The following XKR4 variants were observed in gnomAD, a reference collection of about 807,000 sequenced individuals.
XKR4 encodes the protein XK related 4, also known as XK-related protein 4.
XKR4 carries 12 observed loss-of-function variants against 53.9 expected under a neutral mutation model. That is an observed-to-expected ratio of 0.22 (90% CI 0.14 to 0.36). The LOEUF is 0.36. Among genes scored for constraint, XKR4 ranks in the 10% least tolerant of loss-of-function variants. The pLI is 1.00. For synonymous variants in XKR4, 354 were observed against 362.4 expected, an observed-to-expected ratio of 0.98 and a Z score of 0.26; for missense variants, 799 against 859.5, an observed-to-expected ratio of 0.93 and a Z score of 0.88.
At chr8:55,205,846 C>A (rs767507145) in intron 1 of XKR4, among the ~76,000 whole-genome samples, 2 of 152,148 alleles carry the variant, frequency 1.3e-5, no homozygotes, top group Non-Finnish European at 2.9e-5. Context: ...AATGAAGTCG[C>A]GGACCCTCGT....
At chr8:55,352,465 T>G (rs1023949995) in intron 1 of XKR4, among the ~76,000 whole-genome samples, 1 of 152,234 alleles carries the variant, frequency 6.6e-6, no homozygotes, top group Admixed American at 6.5e-5. Flanking sequence ...ACTTTACTGT[T>G]TTGTCTTCTA....
intron 1 of XKR4, among the ~76,000 whole-genome samples, chr8:55,283,805 C>G (rs867295044): frequency 6.6e-6 from 1 of 152,318 alleles, no homozygotes; most frequent in Middle Eastern, 3.4e-3. Context: ...GAATAACTCA[C>G]AGTTATTTTC....
intron 1 of XKR4, among the ~76,000 whole-genome samples, chr8:55,334,681 G>A (rs1317475717): frequency 1.3e-5 from 2 of 152,098 alleles, no homozygotes; most frequent in Non-Finnish European, 2.9e-5. Flanking sequence ...TTTTAATAAA[G>A]CAACTGATGA....
intron 1 of XKR4, among the ~76,000 whole-genome samples, chr8:55,130,774 T>G (rs1425695780): frequency 6.6e-6 from 1 of 152,136 alleles, no homozygotes; most frequent in African/African-American, 2.4e-5. Flanking sequence ...TGACACAAGT[T>G]TCTTTGGTAA....
intron 2 of XKR4, among the ~76,000 whole-genome samples, chr8:55,469,476 T>G (rs1462801170): frequency 6.6e-6 from 1 of 152,144 alleles, no homozygotes; most frequent in Non-Finnish European, 1.5e-5. Context: ...ATTTCTATTT[T>G]CAGTGTTTAA....
intron 1 of XKR4, among the ~76,000 whole-genome samples, chr8:55,247,862 T>C (rs1164017034): frequency 9.7e-5 from 12 of 123,848 alleles, no homozygotes; most frequent in African/African-American, 2.2e-4. Flanking sequence ...TTTCTTTTTT[T>C]TTTTTTTTTT....
intron 1 of XKR4, among the ~76,000 whole-genome samples, chr8:55,213,856 CTTTT>C (rs11433893): frequency 0.21 from 17,937 of 84,164 alleles, 1,454 homozygotes; most frequent in Middle Eastern, 0.27. Context: ...TTCTTTCTTT[CTTTT>C]TTTTTTTTTT....
chr8:55,141,884 G>C (rs945197784), intron 1 of XKR4, among the ~76,000 whole-genome samples: 1 of 152,036 alleles, frequency 6.6e-6, no homozygotes, highest in Admixed American at 6.5e-5. Flanking sequence ...GGGGGGTCCC[G>C]TGCTCACTGC....
At chr8:55,140,156 T>C (rs1251383737) in intron 1 of XKR4, 1 of 438,116 alleles carries the variant, frequency 2.3e-6, no homozygotes, top group African/African-American at 2.0e-5. Flanking sequence ...CCTGGGTTGG[T>C]ATCTTGACTG....
chr8:55,449,754 T>C, intron 2 of XKR4: 2 of 1,025,118 alleles, frequency 2.0e-6, no homozygotes, highest in South Asian at 1.3e-5. Context: ...AGCTGGTGCT[T>C]GGTCTTGTCT....
intron 2 of XKR4, among the ~76,000 whole-genome samples, chr8:55,422,701 T>C (rs1417383188): frequency 6.6e-6 from 1 of 152,116 alleles, no homozygotes; most frequent in African/African-American, 2.4e-5. Flanking sequence ...GGGGATAGCA[T>C]GAGAAACTTC....
chr8:55,384,324 T>C (rs1804278765), intron 2 of XKR4, among the ~76,000 whole-genome samples: 1 of 152,108 alleles, frequency 6.6e-6, no homozygotes. Context: ...GAAAGGAAAA[T>C]GTGTGCTGGG....
intron 1 of XKR4, among the ~76,000 whole-genome samples, chr8:55,129,634 A>G (rs1334678949): frequency 6.6e-6 from 1 of 152,154 alleles, no homozygotes; most frequent in Non-Finnish European, 1.5e-5. Context: ...GACCCTGAGG[A>G]CCAGAAGAGG....
chr8:55,197,373 T>C (rs901002598), intron 1 of XKR4, among the ~76,000 whole-genome samples: 2 of 152,188 alleles, frequency 1.3e-5, no homozygotes, highest in Non-Finnish European at 2.9e-5. Context: ...GAGCTGCTTG[T>C]TAAGGAACTG....
chr8:55,524,492 C>G lies in XKR4; in HGVS notation c.*265C>G, dbSNP rs191796146. On this transcript the variant is annotated 3_prime_UTR_variant, in exon 3 of 3. Coordinates refer to ENST00000327381, the MANE Select transcript of XKR4 (RefSeq NM_052898.2). Reference sequence around the variant, plus strand: ...TGCTACCAAACTCCTCCTGCACGGTCTTGGGTGCACCCACCAGAGGGTACT... The same window carrying G: ...TGCTACCAAACTCCTCCTGCACGGTGTTGGGTGCACCCACCAGAGGGTACT... The G allele has an allele frequency of 2.0e-6, 1 of 491,786 alleles. No individual in the cohort carries two copies. The allele number at this position is 491,786 out of a possible 1,614,324, so 30.5% of individuals were successfully genotyped here.
At chr8:55,140,690 G>T (rs1227590384) in intron 1 of XKR4, among the ~76,000 whole-genome samples, 1 of 152,198 alleles carries the variant, frequency 6.6e-6, no homozygotes, top group Non-Finnish European at 1.5e-5. Flanking sequence ...TGCTCCAGCA[G>T]CTCCCAGAGC....
Position 55,102,790 on chromosome 8 carries a change from G to A in XKR4, c.302G>A (p.Gly101Asp). ...AGSAALCLRL[G>D]REQRRYSLWD... ...TCGGCTGCGCTGTGCCTGCGCCTGG[G>A]CAGGGAGCAGCGGCGCTACTCACTG... The change falls in exon 1 of 3, where the codon GGC becomes GAC. Residue 101 changes from glycine to aspartate, a missense_variant. Transcript: ENST00000327381. The surrounding 1 kb of genome is among the most constrained non-coding windows in gnomAD (Gnocchi z 5.1). 1 of 1,596,102 alleles carries A rather than the reference G, an allele frequency of 6.3e-7. No homozygotes were observed.
At chr8:55,377,568 A>C (rs959811503) in intron 2 of XKR4, among the ~76,000 whole-genome samples, 1 of 152,200 alleles carries the variant, frequency 6.6e-6, no homozygotes, top group Admixed American at 6.5e-5. Context: ...CAAAAGAAAG[A>C]GGAAAAGAGG....
rs111720903 is a variant in XKR4, at chr8:55,453,910, G to T, written c.1007-69371G>T. The T allele has an allele frequency of 3.9e-5, 24 of 619,824 alleles. 1 individual carries two copies. The highest frequency in any genetic ancestry group is 2.5e-4 in the African/African-American group (14 of 55,308). The allele number at this position is 619,824 out of a possible 1,614,324, so 38.4% of individuals were successfully genotyped here. A position where few individuals can be genotyped will look rare whatever the true frequency, so the allele number is the denominator to read the frequency against. ...CACACTCCAACACAAAGAGAGCAAAGGCCATGCCCTCCAGCACATTCATCA... is the reference window on the plus strand; with the variant it reads ...CACACTCCAACACAAAGAGAGCAAATGCCATGCCCTCCAGCACATTCATCA... On this transcript the variant is annotated intron_variant, in intron 2 of 2. Coordinates refer to ENST00000327381, the MANE Select transcript of XKR4 (RefSeq NM_052898.2).
Sources: gnomAD v4.1 joint callset for allele counts (sites outside exome capture counted in the v4.1 genomes callset) on GRCh38, gnomAD v4.1.1 for gene constraint, Gnocchi (gnomAD v3.1) non-coding constraint, MANE v1.5 for transcripts, NCBI Gene and HGNC (gene_info 2026-07-23, HGNC 2026-07-21) for gene names.